ODF2L: variants seen among roughly 807,000 people sequenced by gnomAD.
ODF2L encodes outer dense fiber of sperm tails 2 like.
A neutral mutation model predicts 86.3 loss-of-function variants in ODF2L; 76 were observed. The ratio of observed to expected loss-of-function variants is 0.88; its 90% CI spans 0.73 to 1.07. ODF2L has a LOEUF of 1.07. Among genes scored for constraint, ODF2L ranks in the 50% least tolerant of loss-of-function variants. The pLI is 0.00. For synonymous variants in ODF2L, 241 were observed against 231.3 expected (o/e 1.04, Z -0.38); for missense variants, 748 against 717.4 (o/e 1.04, Z -0.49).
intron 7 of ODF2L, among the ~76,000 whole-genome samples, chr1:86,379,798 A>G (rs1484054152): frequency 2.0e-5 from 3 of 152,236 alleles, no homozygotes; most frequent in African/African-American, 7.2e-5. Flanking sequence ...AGATAAATTA[A>G]TGACTATAAG....
chr1:86,383,353 A>C (rs893929707), intron 4 of ODF2L, among the ~76,000 whole-genome samples, 157 bp from the exon 5 acceptor site: 1 of 151,866 alleles, frequency 6.6e-6, no homozygotes, highest in South Asian at 2.1e-4. Context: ...CTAGTATTCC[A>C]AATTATTTTT....
At chr1:86,355,342 C>A in intron 14 of ODF2L, 1 of 1,526,444 alleles carries the variant, frequency 6.6e-7, no homozygotes, top group Non-Finnish European at 8.9e-7. Context: ...AAGACACACT[C>A]ACCCATGCCA....
intron 4 of ODF2L, 25 bp downstream of exon 4, chr1:86,384,651 T>C (rs774261228): frequency 1.9e-5 from 25 of 1,339,172 alleles, no homozygotes; most frequent in Admixed American, 1.5e-4. Flanking sequence ...ACTATTAAAA[T>C]GAGTGCTTAG....
intron 17 of ODF2L, 72 bp downstream of exon 16, chr1:86,352,787 C>T (rs891277398): frequency 3.3e-5 from 30 of 905,396 alleles, no homozygotes; most frequent in Non-Finnish European, 4.2e-5. Context: ...GATTCACTCA[C>T]TTTGTATTTT....
At chr1:86,362,833 T>C (rs2100888584) in intron 11 of ODF2L, among the ~76,000 whole-genome samples, 1 of 152,284 alleles carries the variant, frequency 6.6e-6, no homozygotes, top group African/African-American at 2.4e-5. Context: ...TTAATTTTTG[T>C]ATTTTTAGTA....
intron 2 of ODF2L, chr1:86,386,688 A>T (rs1023762755): frequency 2.5e-6 from 1 of 404,732 alleles, no homozygotes; most frequent in Non-Finnish European, 4.3e-6. Flanking sequence ...GCGCCCGGCC[A>T]GGTTTTCATT....
Position 86,358,909 on chromosome 1 carries a change from G to C in ODF2L, c.1255-18C>G. On this transcript the variant is annotated intron_variant, in intron 12 of 17. Transcript: ENST00000317336. ...TTTTGTACCTGAAAATAAAGTATTA[G>C]AGAAACATATTATTTTTAGAATCAT... is the stretch of plus-strand genomic sequence containing the variant. The C allele has an allele frequency of 8.6e-7, 1 of 1,157,750 alleles. No homozygotes were observed. Among genetic ancestry groups the C allele is most frequent in the Non-Finnish European group, 1.2e-6 (1 of 817,920 alleles). The allele number at this position is 1,157,750 out of a possible 1,614,324, so 71.7% of individuals were successfully genotyped here. A position where few individuals can be genotyped will look rare whatever the true frequency, so the allele number is the denominator to read the frequency against.
At chr1:86,384,703 A>T (rs1306511782) in exon 4 of ODF2L, 1 of 1,514,432 alleles carries the variant, frequency 6.6e-7, no homozygotes, top group Non-Finnish European at 8.8e-7. Flanking sequence ...TTCTAAGAAG[A>T]TGTTCTAAAG....
chr1:86,352,159 T>C (rs1658180216), exon 18 of ODF2L: 1 of 1,512,198 alleles, frequency 6.6e-7, no homozygotes, highest in Non-Finnish European at 8.8e-7. Flanking sequence ...GTTTTCAACT[T>C]TTTAGACACT....
chr1:86,348,922 T>A (rs1657942734), downstream of ODF2L: 1 of 1,523,572 alleles, frequency 6.6e-7, no homozygotes, highest in African/African-American at 1.4e-5. Flanking sequence ...ATAATAGCAT[T>A]CATTCCAAAG....
intron 1 of ODF2L, 45 bp from the exon 2 acceptor site, chr1:86,387,131 TTGTCATTACTCTCTCATAAAA>T: frequency 1.8e-6 from 1 of 544,584 alleles, no homozygotes; most frequent in Non-Finnish European, 3.1e-6. Context: ...TAGAGTTTTT[TTGTCATTACTCTCTCATAAAA>T]AATAAAGGTT....
chr1:86,386,943 G>A (rs144004729), exon 2 of ODF2L: 33 of 1,591,358 alleles, frequency 2.1e-5, no homozygotes, highest in East Asian at 1.1e-4. Flanking sequence ...CTGGTACACC[G>A]TGGTAAATCT....
At chr1:86,368,701 T>G (rs1186854495) in exon 11 of ODF2L, 1 of 1,451,534 alleles carries the variant, frequency 6.9e-7, no homozygotes, top group Non-Finnish European at 9.2e-7. Flanking sequence ...TTTGACTCAG[T>G]AATTCTACAT....
intron 6 of ODF2L, 104 bp downstream of exon 6, chr1:86,382,827 C>G: frequency 3.0e-6 from 2 of 674,256 alleles, no homozygotes; most frequent in Admixed American, 5.5e-5. Flanking sequence ...AATTTCAAAA[C>G]ACTTTTCTGT....
intron 16 of ODF2L, among the ~76,000 whole-genome samples, chr1:86,353,569 G>A (rs547263460): frequency 6.6e-6 from 1 of 152,204 alleles, no homozygotes; most frequent in Non-Finnish European, 1.5e-5. Context: ...TTCCTTCTAA[G>A]GAAGCCTATT....
At chr1:86,376,373 T>C (rs770463848) in exon 8 of ODF2L, 4 of 1,608,236 alleles carry the variant, frequency 2.5e-6, no homozygotes, top group Non-Finnish European at 3.4e-6. Flanking sequence ...TCATTCTTAT[T>C]CATTCTTGAT....
chr1:86,364,554 C>T (rs1343994704), intron 11 of ODF2L, among the ~76,000 whole-genome samples: 1 of 152,184 alleles, frequency 6.6e-6, no homozygotes, highest in Admixed American at 6.5e-5. Flanking sequence ...AGACTACATT[C>T]CCTAGTCTCC....
At chr1:86,394,033 T>C (rs2101611183) in intron 1 of ODF2L, among the ~76,000 whole-genome samples, 1 of 152,346 alleles carries the variant, frequency 6.6e-6, no homozygotes, top group East Asian at 1.9e-4. Context: ...AGCATATTCC[T>C]TTCCTTCAAC....
In ODF2L at chr1:86,376,232, CCTGATCT is replaced by C; in HGVS notation, c.804_810del (p.Asp269LysfsTer22). ...ATTTTAAAAAGAATGCATTTACATA[CCTGATCT>C]CTAATTTGGGAAGTAAGCTTTTCAA... On this transcript the variant is annotated frameshift_variant and splice_region_variant, in exon 8 of 18. Coordinates refer to ENST00000317336, the Ensembl canonical transcript of ODF2L. LOFTEE classifies it high-confidence loss of function. 1 of 1,581,510 alleles carries C rather than the reference CCTGATCT, an allele frequency of 6.3e-7. No individual in the cohort carries two copies. The highest frequency in any genetic ancestry group is 1.1e-5 in the South Asian group (1 of 89,570).
Sources: gnomAD v4.1 joint callset for allele counts (sites outside exome capture counted in the v4.1 genomes callset) on GRCh38, gnomAD v4.1.1 for gene constraint, MANE v1.5 for transcripts, NCBI Gene and HGNC (gene_info 2026-07-23, HGNC 2026-07-21) for gene names.